RBFOX2: variants seen among roughly 807,000 people sequenced by gnomAD.
The protein encoded by RBFOX2 is RNA binding protein fox-1 homolog 2.
In RBFOX2, 10 loss-of-function variants were observed where a neutral mutation model predicts 49.1. The ratio of observed to expected loss-of-function variants is 0.20; its 90% confidence interval spans 0.13 to 0.35. The LOEUF (loss-of-function observed/expected upper bound fraction) is 0.35, where lower values mean the gene tolerates loss of function less well. Ranked by LOEUF, RBFOX2 falls within the 10% of genes least tolerant of loss-of-function variation. The pLI, the probability that RBFOX2 is intolerant of heterozygous loss-of-function variation, is 1.00. For synonymous variants in RBFOX2, 183 were observed against 187.4 expected (o/e 0.98, Z 0.19); for missense variants, 323 against 486.9 (o/e 0.66, Z 3.17).
Position 36,028,297 on chromosome 22 carries a change from G to A in RBFOX2, c.129C>T (p.Gly43=), listed in dbSNP as rs745973471. Residue 43 remains glycine (G), a synonymous_variant, in exon 1 of 14, where the codon GGC becomes GGT. Coordinates refer to the RBFOX2 transcript ENST00000438146. ...CCTCAGTGCGCGGCCGCTTGCTCAG[G>A]CCGGGATCGGCTCCGTCTCCTCCCG... 3.3e-6 allele frequency: 5 copies of A among 1,531,994 alleles called. No homozygotes were observed. In the Admixed American group the frequency reaches 9.3e-5, roughly 28 times the overall value. The allele number at this position is 1,531,994 out of a possible 1,614,324, so 94.9% of individuals were successfully genotyped here.
intron 1 of RBFOX2, among the ~76,000 whole-genome samples, chr22:35,976,184 CCT>C (rs2057138882): frequency 6.6e-6 from 1 of 152,162 alleles, no homozygotes; most frequent in African/African-American, 2.4e-5. Flanking sequence ...TTTTCAGCTC[CCT>C]GTTTGATTTC....
At chr22:35,907,216 C>T (rs986076291) in intron 1 of RBFOX2, among the ~76,000 whole-genome samples, 2 of 152,182 alleles carry the variant, frequency 1.3e-5, no homozygotes, top group African/African-American at 4.8e-5. Context: ...TTACTGTACA[C>T]GCTTCCCCAG....
intron 1 of RBFOX2, among the ~76,000 whole-genome samples, chr22:35,838,239 T>A (rs541788010): frequency 4.0e-4 from 60 of 150,754 alleles, no homozygotes; most frequent in African/African-American, 8.4e-4. Flanking sequence ...AAATTTTTTT[T>A]AAAAAATAAA....
chr22:35,847,095 T>C (rs2041312801), intron 1 of RBFOX2, among the ~76,000 whole-genome samples: 1 of 152,210 alleles, frequency 6.6e-6, no homozygotes, highest in South Asian at 2.1e-4. Flanking sequence ...TAGATTTGTC[T>C]GGGCAGGGAG....
chr22:35,806,803 G>C (rs2148038135), intron 2 of RBFOX2, among the ~76,000 whole-genome samples: 1 of 152,256 alleles, frequency 6.6e-6, no homozygotes, highest in Admixed American at 6.5e-5. Context: ...ATCTAGCTGT[G>C]CACTTTTTTC....
chr22:35,964,978 T>C (rs746994073), upstream of RBFOX2, among the ~76,000 whole-genome samples: 36 of 152,360 alleles, frequency 2.4e-4, no homozygotes, highest in Non-Finnish European at 5.0e-4. Flanking sequence ...ATCCATTCTT[T>C]CTTCCAATAC....
chr22:35,981,534 C>T (rs1258230271), intron 1 of RBFOX2, among the ~76,000 whole-genome samples: 1 of 151,080 alleles, frequency 6.6e-6, no homozygotes, highest in East Asian at 1.9e-4. Context: ...CACAGCTACT[C>T]AGGAGGCTGA....
chr22:35,898,418 C>CT, intron 1 of RBFOX2: 8 of 377,312 alleles, frequency 2.1e-5, no homozygotes, highest in South Asian at 8.9e-5. Context: ...CTCCCACAAT[C>CT]CTTTTTTTTT....
chr22:35,829,814 C>G (rs1386035836), intron 1 of RBFOX2, among the ~76,000 whole-genome samples: 1 of 152,132 alleles, frequency 6.6e-6, no homozygotes, highest in Non-Finnish European at 1.5e-5. Flanking sequence ...CCTTCCACTT[C>G]TCTTTCTCTG....
intron 9 of RBFOX2, among the ~76,000 whole-genome samples, chr22:35,755,526 C>G (rs1417509484): frequency 6.6e-6 from 1 of 152,156 alleles, no homozygotes; most frequent in Non-Finnish European, 1.5e-5. Context: ...CTGGCGTTTT[C>G]TCATTACTAC....
upstream of RBFOX2, chr22:35,840,713 C>T (rs886830344): frequency 1.5e-5 from 11 of 717,202 alleles, no homozygotes; most frequent in East Asian, 2.3e-4. Context: ...TTTAAGGATG[C>T]GATGATGGAA....
In RBFOX2 at chr22:35,821,596, C is replaced by T. The variant is rs935565144; in HGVS notation, c.28-11592G>A. 1.6e-4 allele frequency among the ~76,000 whole-genome samples: 18 copies of T among 109,302 alleles called. No individual in the cohort carries two copies. The East Asian group carries it at 3.8e-3, about 23-fold the overall frequency. 71.7% of individuals were successfully genotyped at this position (109,302 alleles called of 152,430 possible). A position where few individuals can be genotyped will look rare whatever the true frequency, so the allele number is the denominator to read the frequency against. ...CAGCCTGGGGGACAGAGTGAGACTCCGTCTCCAAAAAAAAAAAAAAAAAAA... is the reference window on the plus strand; with the variant it reads ...CAGCCTGGGGGACAGAGTGAGACTCTGTCTCCAAAAAAAAAAAAAAAAAAA... On this transcript the variant is annotated intron_variant, in intron 1 of 11. Transcript: ENST00000405409.
intron 1 of RBFOX2, among the ~76,000 whole-genome samples, chr22:35,878,079 C>CAT (rs56730638): frequency 1.4e-5 from 2 of 145,454 alleles, no homozygotes; most frequent in Admixed American, 6.9e-5. Flanking sequence ...CACACACACA[C>CAT]GGAGTTTGTT....
At chr22:35,966,677 G>C (rs938019558) in intron 1 of RBFOX2, among the ~76,000 whole-genome samples, 2 of 152,106 alleles carry the variant, frequency 1.3e-5, no homozygotes, top group Non-Finnish European at 2.9e-5. Flanking sequence ...TTGTTCAAAA[G>C]ATTCATTAAA....
intron 1 of RBFOX2, among the ~76,000 whole-genome samples, chr22:36,007,013 A>G (rs1277246146): frequency 6.6e-6 from 1 of 152,204 alleles, no homozygotes; most frequent in Non-Finnish European, 1.5e-5. Context: ...GTGCATGTCT[A>G]GCTAGGGGAC....
chr22:35,738,847 T>C (rs1308234409), exon 12 of RBFOX2: 2 of 152,580 alleles, frequency 1.3e-5, no homozygotes, highest in African/African-American at 4.8e-5. Context: ...GATCAATAAT[T>C]TATACACATG....
At chr22:35,965,377 T>G (rs980915729), upstream of RBFOX2, among the ~76,000 whole-genome samples, 6 of 152,172 alleles carry the variant, frequency 3.9e-5, no homozygotes, top group Non-Finnish European at 8.8e-5. Flanking sequence ...TGCCTTACTT[T>G]GAGTTAGATT....
At chr22:36,024,876 C>T (rs571387929) in intron 1 of RBFOX2, among the ~76,000 whole-genome samples, 1 of 152,190 alleles carries the variant, frequency 6.6e-6, no homozygotes, top group South Asian at 2.1e-4. Flanking sequence ...GGCGCAACCT[C>T]AGCTAACTGC....
At chr22:35,789,066 T>C (rs1273016890) in intron 2 of RBFOX2, among the ~76,000 whole-genome samples, 1 of 152,190 alleles carries the variant, frequency 6.6e-6, no homozygotes, top group Non-Finnish European at 1.5e-5. Flanking sequence ...ATTTTTAGAA[T>C]TTTAGAAAGT....
Sources: allele counts gnomAD v4.1 joint callset (sites outside exome capture counted in the v4.1 genomes callset), GRCh38; gene constraint gnomAD v4.1.1; transcripts MANE v1.5; gene names NCBI Gene and HGNC (gene_info 2026-07-23, HGNC 2026-07-21).